The following D2HGDH variants were observed in gnomAD, a reference collection of about 807,000 sequenced individuals.
D2HGDH encodes D-2-hydroxyglutarate dehydrogenase, also known as D-2-hydroxyglutarate dehydrogenase, mitochondrial.
In D2HGDH, 31 loss-of-function variants were observed where a neutral mutation model predicts 46.9. The observed-to-expected ratio is 0.66, with a 90% confidence interval of 0.50 to 0.89. The LOEUF is 0.89. Ranked by LOEUF, D2HGDH falls within the 40% of genes least tolerant of loss-of-function variation. D2HGDH has a pLI of 0.00. For synonymous variants in D2HGDH, 364 were observed against 332.6 expected, an observed-to-expected ratio of 1.09 and a Z score of -1.03; for missense variants, 698 against 720.8, an observed-to-expected ratio of 0.97 and a Z score of 0.36.
intron 6 of D2HGDH, among the ~76,000 whole-genome samples, chr2:241,747,296 C>T (rs943576685): frequency 6.6e-6 from 1 of 152,116 alleles, no homozygotes; most frequent in Non-Finnish European, 1.5e-5. Flanking sequence ...TTCTTGTGTG[C>T]TTGGCTGTCT....
At chr2:241,755,484 G>T (rs578258074) in intron 8 of D2HGDH, 2 of 1,328,930 alleles carry the variant, frequency 1.5e-6, no homozygotes, top group Non-Finnish European at 2.0e-6. Flanking sequence ...GCAGGTGGGC[G>T]CCTCCCCCTT....
At chr2:241,740,713 G>A (rs1378106666) in intron 2 of D2HGDH, among the ~76,000 whole-genome samples, 6 of 152,192 alleles carry the variant, frequency 3.9e-5, no homozygotes, top group South Asian at 4.1e-4. Flanking sequence ...TTGGGAGGCC[G>A]CAGTGGGCGG....
chr2:241,737,030 G>A (rs1472049467), intron 2 of D2HGDH, among the ~76,000 whole-genome samples: 2 of 151,488 alleles, frequency 1.3e-5, no homozygotes, highest in African/African-American at 2.4e-5. Context: ...GTGCAGTGGC[G>A]TGATCTCGGC....
At chr2:241,740,100 G>A (rs1260381619) in intron 2 of D2HGDH, among the ~76,000 whole-genome samples, 1 of 152,214 alleles carries the variant, frequency 6.6e-6, no homozygotes, top group Non-Finnish European at 1.5e-5. Flanking sequence ...AGCTGTGATT[G>A]TGTCACTGTA....
At chr2:241,737,147 T>C (rs1693129365) in intron 2 of D2HGDH, among the ~76,000 whole-genome samples, 1 of 152,172 alleles carries the variant, frequency 6.6e-6, no homozygotes, top group Non-Finnish European at 1.5e-5. Flanking sequence ...TCTTTTTGTA[T>C]TTTTAGTAGA....
chr2:241,737,798 G>A (rs566146422), intron 2 of D2HGDH, among the ~76,000 whole-genome samples: 1 of 152,202 alleles, frequency 6.6e-6, no homozygotes, highest in Non-Finnish European at 1.5e-5. Context: ...AGGTAGAAGA[G>A]AATTGGTTGA....
At chr2:241,746,973 A>C (rs1575253041) in intron 6 of D2HGDH, among the ~76,000 whole-genome samples, 2 of 151,744 alleles carry the variant, frequency 1.3e-5, no homozygotes, top group South Asian at 4.1e-4. Context: ...GTAGTCTGTG[A>C]AAGTTTTTTT....
At chr2:241,763,411 G>A (rs899443463) in intron 9 of D2HGDH, among the ~76,000 whole-genome samples, 4 of 152,126 alleles carry the variant, frequency 2.6e-5, no homozygotes, top group African/African-American at 9.7e-5. Flanking sequence ...GTAAAAGTAT[G>A]GTATAAAAGG....
intron 8 of D2HGDH, among the ~76,000 whole-genome samples, chr2:241,752,931 C>A: frequency 6.6e-6 from 1 of 151,498 alleles, no homozygotes. Context: ...CATCATCCCC[C>A]ACGCCACCCC....
At position 241,767,574 on chromosome 2, in the gene D2HGDH, G is replaced by C. The variant is rs1402237778; in HGVS notation, c.1307-136G>C. The C allele has an allele frequency of 3.2e-6, 4 of 1,265,740 alleles. No homozygotes were observed. In the African/African-American group the frequency reaches 4.5e-5, roughly 14 times the overall value. The allele number at this position is 1,265,740 out of a possible 1,614,324, so 78.4% of individuals were successfully genotyped here. ...GAGGAGGGGTCGGCACGTCCAGGGC[G>C]AGTGGCATGAGGGTGAGGCTCAGCC... On this transcript the variant is annotated intron_variant, in intron 9 of 9. Transcript: ENST00000321264.
chr2:241,737,795 AG>A (rs1240101677), intron 2 of D2HGDH, among the ~76,000 whole-genome samples: 5 of 152,222 alleles, frequency 3.3e-5, no homozygotes, highest in Non-Finnish European at 7.3e-5. Context: ...GCGAGGTAGA[AG>A]AGAATTGGTT....
intron 3 of D2HGDH, among the ~76,000 whole-genome samples, chr2:241,741,898 T>C (rs1298470840): frequency 1.3e-5 from 2 of 152,266 alleles, no homozygotes; most frequent in Admixed American, 6.5e-5. Flanking sequence ...GTTTATTTCA[T>C]GTACATGGGC....
At position 241,755,884 on chromosome 2, in the gene D2HGDH, G is replaced by T. The variant is rs374395762; in HGVS notation, c.1176G>T (p.Ala392=). 2 of 1,613,018 alleles carry T rather than the reference G, an allele frequency of 1.2e-6. No homozygotes were observed. Among genetic ancestry groups the T allele is most frequent in the Non-Finnish European group, 1.7e-6 (2 of 1,179,584 alleles). Residue 392 remains alanine (A), a synonymous_variant, in exon 9 of 10, where the codon GCG becomes GCT. Transcript: ENST00000321264. ...CCCTGAGGGAAAGGATCACAGAGGC[G>T]CTGAGCCGGGATGGCTACGTGTACA... ...LWALRERITE[A]LSRDGYVYKY...
rs771839448 is a variant in D2HGDH at position 241,742,594 on chromosome 2, C to T, written c.490+20C>T. 132 of 1,613,820 alleles carry T rather than the reference C, an allele frequency of 8.2e-5. 2 individuals carry two copies. Among genetic ancestry groups the T allele is most frequent in the South Asian group, 6.8e-4 (62 of 91,084 alleles). ...TGTCTGGTAAGCCTGTGCCACCCGT[C>T]GGGGCCCAGGAGTCCCTCCTGGTGC... On this transcript the variant is annotated intron_variant, in intron 4 of 9. Transcript: ENST00000321264. The surrounding 1 kb of genome is among the most constrained non-coding windows in gnomAD (Gnocchi z 4.8).
chr2:241,762,303 C>T (rs2125171564), intron 9 of D2HGDH, among the ~76,000 whole-genome samples: 1 of 152,234 alleles, frequency 6.6e-6, no homozygotes, highest in East Asian at 1.9e-4. Flanking sequence ...AACTCCTGAC[C>T]TCGTGATCCA....
chr2:241,740,729 G>A (rs537719054), intron 2 of D2HGDH, among the ~76,000 whole-genome samples: 4 of 152,168 alleles, frequency 2.6e-5, no homozygotes, highest in East Asian at 1.9e-4. Context: ...GGCGGATCAC[G>A]AGGTCAGGAG....
chr2:241,751,430 C>G, intron 8 of D2HGDH, 42 bp downstream of exon 8: 5 of 1,609,646 alleles, frequency 3.1e-6, no homozygotes, highest in Non-Finnish European at 4.2e-6. Flanking sequence ...CTCTGTCCGT[C>G]CAGTCCAGCC....
intron 9 of D2HGDH, 76 bp from the exon 10 acceptor site, chr2:241,767,634 G>T: frequency 1.9e-6 from 3 of 1,601,730 alleles, no homozygotes; most frequent in Non-Finnish European, 2.6e-6. Flanking sequence ...GGGATCTTGG[G>T]AGGGGCTGTT....
chr2:241,758,767 ATATGTGTGTGTGTGTG>A (rs1451320281), intron 9 of D2HGDH, among the ~76,000 whole-genome samples: 1 of 106,140 alleles, frequency 9.4e-6, no homozygotes, highest in Admixed American at 1.0e-4. Flanking sequence ...GCCCCACAAT[ATATGTGTGTGTGTGTG>A]TGTGTGTGTG....
Sources: gnomAD v4.1 joint callset for allele counts (sites outside exome capture counted in the v4.1 genomes callset) on GRCh38, gnomAD v4.1.1 for gene constraint, Gnocchi (gnomAD v3.1) non-coding constraint, MANE v1.5 for transcripts, NCBI Gene and HGNC (gene_info 2026-07-23, HGNC 2026-07-21) for gene names.